The following TENM4 variants were observed in gnomAD, a reference collection of about 807,000 sequenced individuals.
TENM4 encodes teneurin transmembrane protein 4, also known as teneurin-4.
A neutral mutation model predicts 243.3 loss-of-function variants in TENM4; 82 were observed. That is an observed-to-expected ratio of 0.34 (90% CI 0.28 to 0.40). TENM4 has a LOEUF of 0.40. Ranked by LOEUF, TENM4 falls within the 10% of genes least tolerant of loss-of-function variation. TENM4 has a pLI of 1.00. For missense variants in TENM4, 3,138 were observed against 3,673.3 expected (o/e 0.85, Z 3.77); for synonymous variants, 1,412 against 1,456.3 (o/e 0.97, Z 0.69).
At chr11:78,753,308 A>T (rs933002846) in intron 19 of TENM4, among the ~76,000 whole-genome samples, 1 of 152,202 alleles carries the variant, frequency 6.6e-6, no homozygotes, top group African/African-American at 2.4e-5. Flanking sequence ...TTATAACTAG[A>T]GCCACCTACA....
intron 6 of TENM4, among the ~76,000 whole-genome samples, chr11:78,988,670 C>T (rs1857974233): frequency 6.6e-6 from 1 of 152,092 alleles, no homozygotes; most frequent in Non-Finnish European, 1.5e-5. Flanking sequence ...TTCACAATCC[C>T]CCCACTCCCT....
intron 6 of TENM4, among the ~76,000 whole-genome samples, chr11:78,959,034 T>C (rs934648098): frequency 6.6e-6 from 1 of 152,226 alleles, no homozygotes. Context: ...GTTGGAAACA[T>C]TGCCTAGAGT....
chr11:79,161,006 C>T (rs1862734221), intron 3 of TENM4, among the ~76,000 whole-genome samples: 1 of 152,172 alleles, frequency 6.6e-6, no homozygotes, highest in Non-Finnish European at 1.5e-5. Context: ...CACCTACTGG[C>T]TAAAGCATGG....
intron 6 of TENM4, among the ~76,000 whole-genome samples, chr11:78,991,691 G>A (rs1858050917): frequency 6.6e-6 from 1 of 152,186 alleles, no homozygotes; most frequent in African/African-American, 2.4e-5. Context: ...AGCCATGCAG[G>A]GAGACCAGGT....
chr11:78,730,243 T>C (rs769641645), intron 21 of TENM4, among the ~76,000 whole-genome samples: 2 of 152,202 alleles, frequency 1.3e-5, no homozygotes, highest in African/African-American at 2.4e-5. Flanking sequence ...AGGGATGCCA[T>C]GAAGAGAGAC....
At chr11:78,921,494 T>C (rs1299757966) in intron 6 of TENM4, among the ~76,000 whole-genome samples, 1 of 152,240 alleles carries the variant, frequency 6.6e-6, no homozygotes, top group Non-Finnish European at 1.5e-5. Context: ...CCCCTTTACA[T>C]ACACTTGAGG....
At chr11:78,686,785 G>T (rs544523272) in intron 29 of TENM4, among the ~76,000 whole-genome samples, 1 of 152,200 alleles carries the variant, frequency 6.6e-6, no homozygotes, top group East Asian at 1.9e-4. Context: ...CAAAAACCAC[G>T]GTTAAAGGTG....
At chr11:78,787,692 G>T (rs761537982) in intron 15 of TENM4, among the ~76,000 whole-genome samples, 36 of 152,118 alleles carry the variant, frequency 2.4e-4, no homozygotes, top group Admixed American at 5.2e-4. Flanking sequence ...CTGAGCTTTT[G>T]CTGGGTTTAT....
At chr11:78,793,260 G>A (rs2136054704) in intron 15 of TENM4, among the ~76,000 whole-genome samples, 1 of 152,274 alleles carries the variant, frequency 6.6e-6, no homozygotes, top group Non-Finnish European at 1.5e-5. Context: ...GATACAAGTA[G>A]GGGGTAGAAG....
chr11:78,962,745 G>A (rs1857357507), intron 6 of TENM4, among the ~76,000 whole-genome samples: 1 of 152,222 alleles, frequency 6.6e-6, no homozygotes, highest in Admixed American at 6.5e-5. Flanking sequence ...TGGGGACTGG[G>A]TGATCCCTGA....
intron 16 of TENM4, among the ~76,000 whole-genome samples, chr11:78,782,936 A>G (rs1487542561): frequency 6.6e-6 from 1 of 152,136 alleles, no homozygotes; most frequent in Non-Finnish European, 1.5e-5. Context: ...CAGGACTTCT[A>G]GGATTGGACA....
At chr11:79,363,847 C>T (rs1389604125) in intron 1 of TENM4, among the ~76,000 whole-genome samples, 6 of 152,198 alleles carry the variant, frequency 3.9e-5, no homozygotes, top group Non-Finnish European at 5.9e-5. Context: ...ATCTCATACA[C>T]CAATCTTTGC....
chr11:79,398,360 G>A lies in TENM4; in HGVS notation c.-321+42149C>T, dbSNP rs138238871. ...AGTGGTCAGGTGCTTTTAACAGTCA[G>A]CAATGTTCATCCAGCCTTACCTCTC... On this transcript the variant is annotated intron_variant, in intron 1 of 33. Transcript: ENST00000278550. Among the ~76,000 whole-genome samples, 530 of 152,244 alleles carry A rather than the reference G, an allele frequency of 3.5e-3. 3 individuals are homozygous for A. The highest frequency in any genetic ancestry group is 0.012 in the African/African-American group (484 of 41,544).
rs545198590 is a variant in TENM4 at position 78,880,796 on chromosome 11, G to A, written c.1084+8989C>T. On this transcript the variant is annotated intron_variant, in intron 9 of 33. Coordinates refer to ENST00000278550, the MANE Select transcript of TENM4 (RefSeq NM_001098816.3). ...TTGGAGATTATTTTAGGTAATATCTGATTTTAAAGCCAGTAAATAAATCAC... is the reference window on the plus strand; with the variant it reads ...TTGGAGATTATTTTAGGTAATATCTAATTTTAAAGCCAGTAAATAAATCAC... Among the ~76,000 whole-genome samples, 3 of 152,310 alleles carry A rather than the reference G, an allele frequency of 2.0e-5. No homozygotes were observed. The South Asian group carries it at 6.2e-4, about 32-fold the overall frequency.
At chr11:78,843,050 G>A (rs1344694553) in intron 12 of TENM4, among the ~76,000 whole-genome samples, 3 of 152,136 alleles carry the variant, frequency 2.0e-5, no homozygotes, top group East Asian at 1.9e-4. Flanking sequence ...AGGCCGAGGC[G>A]GGTGGATCAC....
In TENM4 at chr11:79,137,129, C is replaced by A. The variant is rs758524094; in HGVS notation, c.-66+11581G>T. Among the ~76,000 whole-genome samples the A allele has an allele frequency of 6.2e-4, 94 of 152,074 alleles. 1 individual carries two copies. Among genetic ancestry groups the A allele is most frequent in the Non-Finnish European group, 1.3e-4 (9 of 68,004 alleles). On this transcript the variant is annotated intron_variant, in intron 4 of 33. Coordinates refer to ENST00000278550, the MANE Select transcript of TENM4 (RefSeq NM_001098816.3). The stretch of plus-strand genomic sequence containing the variant: ...TCCTGTGACATTATGTTCTGCTGGC[C>A]TAGAGGTTTTAGTTCCAGAGGGAGG...
chr11:79,322,220 G>A (rs982166384), intron 1 of TENM4, among the ~76,000 whole-genome samples: 2 of 151,912 alleles, frequency 1.3e-5, no homozygotes, highest in Non-Finnish European at 2.9e-5. Context: ...TTTTTCAAGT[G>A]ACACCTGACT....
intron 2 of TENM4, among the ~76,000 whole-genome samples, chr11:79,221,590 C>A (rs540937483): frequency 5.3e-5 from 8 of 152,102 alleles, no homozygotes; most frequent in African/African-American, 1.9e-4. Context: ...ACACTCAGAG[C>A]CCAGTGGAAA....
chr11:78,671,118 G>C (rs1008264610), intron 31 of TENM4, among the ~76,000 whole-genome samples: 1 of 152,200 alleles, frequency 6.6e-6, no homozygotes, highest in Non-Finnish European at 1.5e-5. Context: ...TTTGAGAAGG[G>C]CATTTAAGGC....
Sources: gnomAD v4.1 joint callset for allele counts (sites outside exome capture counted in the v4.1 genomes callset) on GRCh38, gnomAD v4.1.1 for gene constraint, MANE v1.5 for transcripts, NCBI Gene and HGNC (gene_info 2026-07-23, HGNC 2026-07-21) for gene names.